The following TMEM178A variants were observed in gnomAD, a reference collection of about 807,000 sequenced individuals.
TMEM178A encodes transmembrane protein 178.
In TMEM178A, 12 loss-of-function variants were observed where a neutral mutation model predicts 29.1. That is an observed-to-expected ratio of 0.41 (90% confidence interval 0.26 to 0.67). The LOEUF is 0.67. TMEM178A is among the 30% of genes least tolerant of loss of function. The pLI, the probability that TMEM178A is intolerant of heterozygous loss-of-function variation, is 0.29. For missense variants in TMEM178A, 366 were observed against 419.1 expected (o/e 0.87, Z 1.11); for synonymous variants, 210 against 187.2 (o/e 1.12, Z -0.99).
chr2:39,712,662 C>T (rs987701385), intron 3 of TMEM178A, among the ~76,000 whole-genome samples: 18 of 148,392 alleles, frequency 1.2e-4, no homozygotes, highest in African/African-American at 2.5e-4. Flanking sequence ...GACTCAGGAA[C>T]CTCTCTCTCT....
At chr2:39,724,173 C>T in the TMEM178A span, among the ~76,000 whole-genome samples, 1 of 152,088 alleles carries the variant, frequency 6.6e-6, no homozygotes, top group Non-Finnish European at 1.5e-5. Flanking sequence ...TCCCGTGTTA[C>T]TAGGGCTGCT....
At chr2:39,729,326 A>T in the TMEM178A span, among the ~76,000 whole-genome samples, 2 of 152,170 alleles carry the variant, frequency 1.3e-5, no homozygotes, top group African/African-American at 4.8e-5. Context: ...AGTGGATTCC[A>T]TGGTGCCTGG....
At chr2:39,704,060 G>A (rs374471172) in intron 1 of TMEM178A, 21 bp from the exon 2 acceptor site, 12 of 1,604,544 alleles carry the variant, frequency 7.5e-6, no homozygotes, top group Admixed American at 1.7e-5. Context: ...CTCGTAAATC[G>A]CGTTTCTTAT....
At chr2:39,685,678 C>T (rs1349014376) in intron 1 of TMEM178A, among the ~76,000 whole-genome samples, 1 of 152,166 alleles carries the variant, frequency 6.6e-6, no homozygotes, top group Non-Finnish European at 1.5e-5. Flanking sequence ...TAAGAAGTGC[C>T]TGGTCTCTTG....
chr2:39,683,451 G>T (rs1348591084), intron 1 of TMEM178A, among the ~76,000 whole-genome samples: 1 of 152,222 alleles, frequency 6.6e-6, no homozygotes, highest in Non-Finnish European at 1.5e-5. Flanking sequence ...TCACGGAAGA[G>T]AAGTAACATG....
chr2:39,708,194 G>A (rs1000923570), intron 3 of TMEM178A, among the ~76,000 whole-genome samples: 1 of 152,146 alleles, frequency 6.6e-6, no homozygotes, highest in Non-Finnish European at 1.5e-5. Context: ...CCGGTGGTAG[G>A]AAGAGCGTAG....
At chr2:39,695,659 A>C (rs1284113448) in intron 1 of TMEM178A, among the ~76,000 whole-genome samples, 2 of 151,974 alleles carry the variant, frequency 1.3e-5, no homozygotes, top group Non-Finnish European at 2.9e-5. Context: ...CCTGGGAACC[A>C]GTCACAGGTA....
At chr2:39,666,989 C>T (rs987952474) in intron 1 of TMEM178A, among the ~76,000 whole-genome samples, 1 of 152,228 alleles carries the variant, frequency 6.6e-6, no homozygotes, top group Non-Finnish European at 1.5e-5. Flanking sequence ...CCCTGAAGTG[C>T]AGGGTGTGTG....
At chr2:39,697,949 T>A (rs1671618934) in intron 1 of TMEM178A, 1 of 152,216 alleles carries the variant, frequency 6.6e-6, no homozygotes, top group Non-Finnish European at 1.5e-5. Flanking sequence ...TCTCCCCACT[T>A]CACACCCTCT....
intron 3 of TMEM178A, among the ~76,000 whole-genome samples, chr2:39,708,616 A>T (rs1672157377): frequency 6.6e-6 from 1 of 150,824 alleles, no homozygotes; most frequent in Non-Finnish European, 1.5e-5. Context: ...ACGGGGTTTC[A>T]CCGTGTTAGC....
At chr2:39,692,756 G>T (rs905191424) in intron 1 of TMEM178A, among the ~76,000 whole-genome samples, 3 of 152,178 alleles carry the variant, frequency 2.0e-5, no homozygotes, top group East Asian at 1.9e-4. Context: ...ATGTGAGATT[G>T]TGTGACCGCC....
intron 3 of TMEM178A, among the ~76,000 whole-genome samples, chr2:39,712,903 A>C (rs149499820): frequency 6.6e-6 from 1 of 152,330 alleles, no homozygotes; most frequent in African/African-American, 2.4e-5. Flanking sequence ...TGCCAATGAA[A>C]ATGCAGCATT....
At chr2:39,665,775 C>A (rs1018182774), upstream of TMEM178A, 20 of 323,926 alleles carry the variant, frequency 6.2e-5, no homozygotes, top group Admixed American at 7.9e-4. Context: ...GGGCCGGGGG[C>A]GGGCGGGCGG....
chr2:39,718,883 A>G (rs1031497651), downstream of TMEM178A, among the ~76,000 whole-genome samples: 3 of 152,222 alleles, frequency 2.0e-5, no homozygotes, highest in African/African-American at 7.2e-5. Flanking sequence ...GCCATTCCAG[A>G]ATATGCTGTT....
intron 3 of TMEM178A, 46 bp from the exon 4 acceptor site, chr2:39,716,958 TGTAACA>T: frequency 6.4e-7 from 1 of 1,570,098 alleles, no homozygotes; most frequent in Non-Finnish European, 8.7e-7. Flanking sequence ...GCATTTGTCT[TGTAACA>T]GGCAAACTGT....
intron 3 of TMEM178A, among the ~76,000 whole-genome samples, chr2:39,715,623 G>C (rs893935564): frequency 6.6e-6 from 1 of 152,222 alleles, no homozygotes; most frequent in Admixed American, 6.5e-5. Context: ...TCACTTTAGA[G>C]TTTAAATGCA....
the TMEM178A span, among the ~76,000 whole-genome samples, chr2:39,735,707 A>C: frequency 6.6e-6 from 1 of 152,230 alleles, no homozygotes; most frequent in Admixed American, 6.5e-5. Flanking sequence ...AAATGTATTC[A>C]AGATTAGTAG....
downstream of TMEM178A, among the ~76,000 whole-genome samples, chr2:39,722,698 T>A (rs1432176569): frequency 6.6e-6 from 1 of 152,220 alleles, no homozygotes; most frequent in Non-Finnish European, 1.5e-5. Context: ...ACTATTGGTC[T>A]GCTTCAGGTA....
intron 1 of TMEM178A, among the ~76,000 whole-genome samples, chr2:39,698,674 A>C (rs932284630): frequency 2.7e-5 from 4 of 150,096 alleles, no homozygotes; most frequent in African/African-American, 9.8e-5. Context: ...CATAGAAAGA[A>C]GTAGGAAGTT....
Sources: allele counts gnomAD v4.1 joint callset (sites outside exome capture counted in the v4.1 genomes callset), GRCh38; gene constraint gnomAD v4.1.1; transcripts MANE v1.5; gene names NCBI Gene and HGNC (gene_info 2026-07-23, HGNC 2026-07-21).